The following PARD3 variants were observed in gnomAD, a reference collection of about 807,000 sequenced individuals.
PARD3 encodes par-3 family cell polarity regulator.
In PARD3, 75 loss-of-function variants were observed where a neutral mutation model predicts 155.4. The observed-to-expected ratio is 0.48, with a 90% CI of 0.40 to 0.58. The LOEUF is 0.58. Among genes scored for constraint, PARD3 ranks in the 20% least tolerant of loss-of-function variants. PARD3 has a pLI of 0.00. For synonymous variants in PARD3, 576 were observed against 610.5 expected (o/e 0.94, Z 0.83); for missense variants, 1,642 against 1,721.7 (o/e 0.95, Z 0.82).
At chr10:34,212,179 G>A (rs1335912183) in intron 22 of PARD3, among the ~76,000 whole-genome samples, 3 of 151,942 alleles carry the variant, frequency 2.0e-5, no homozygotes, top group African/African-American at 7.3e-5. Context: ...TCCATGCTGG[G>A]GAAATCAACA....
At chr10:34,294,237 C>A (rs1447967457) in intron 20 of PARD3, among the ~76,000 whole-genome samples, 7 of 152,198 alleles carry the variant, frequency 4.6e-5, no homozygotes, top group Admixed American at 4.6e-4. Context: ...TATAAACATC[C>A]ACCCTCAATT....
chr10:34,405,747 C>T (rs527661069), intron 5 of PARD3, among the ~76,000 whole-genome samples: 6 of 152,132 alleles, frequency 3.9e-5, no homozygotes, highest in African/African-American at 9.7e-5. Flanking sequence ...ATAGCCACAC[C>T]GCTAGCCAGA....
intron 1 of PARD3, among the ~76,000 whole-genome samples, chr10:34,750,588 G>A (rs1446595767): frequency 1.3e-5 from 2 of 151,938 alleles, no homozygotes; most frequent in African/African-American, 2.4e-5. Context: ...GGAGTGAGGA[G>A]TTAGGGGCAG....
chr10:34,307,181 C>T (rs972448149), intron 20 of PARD3, among the ~76,000 whole-genome samples: 8 of 152,264 alleles, frequency 5.3e-5, no homozygotes, highest in African/African-American at 1.7e-4. Flanking sequence ...TGAGCCACCG[C>T]ACCCGGCTCA....
At chr10:34,413,407 CT>C (rs1227709830) in intron 5 of PARD3, among the ~76,000 whole-genome samples, 6 of 148,162 alleles carry the variant, frequency 4.0e-5, no homozygotes. Flanking sequence ...TCAGCTCGGT[CT>C]TTTGTTATTC....
At chr10:34,602,230 C>CA (rs2089848579) in intron 2 of PARD3, among the ~76,000 whole-genome samples, 1 of 152,136 alleles carries the variant, frequency 6.6e-6, no homozygotes, top group Non-Finnish European at 1.5e-5. Context: ...TATATGTTTA[C>CA]ACTTTTCACT....
At chr10:34,392,168 GAATA>G (rs1842924514) in intron 7 of PARD3, among the ~76,000 whole-genome samples, 1 of 151,966 alleles carries the variant, frequency 6.6e-6, no homozygotes. Flanking sequence ...GTAAAAAAAA[GAATA>G]AATCAATTTT....
intron 2 of PARD3, among the ~76,000 whole-genome samples, chr10:34,541,601 G>A (rs1347853105): frequency 6.6e-6 from 1 of 152,208 alleles, no homozygotes; most frequent in African/African-American, 2.4e-5. Context: ...TCTGCCTTGT[G>A]TGTGATGTGT....
At chr10:34,421,266 A>G (rs1187640501) in intron 5 of PARD3, among the ~76,000 whole-genome samples, 1 of 151,718 alleles carries the variant, frequency 6.6e-6, no homozygotes, top group Admixed American at 6.6e-5. Flanking sequence ...CTAGTTATTA[A>G]CATATATAAG....
intron 1 of PARD3, among the ~76,000 whole-genome samples, chr10:34,797,573 C>G (rs1398768922): frequency 1.3e-5 from 2 of 152,170 alleles, no homozygotes; most frequent in Non-Finnish European, 2.9e-5. Flanking sequence ...TAAACAAGCT[C>G]GAAAAGCAAC....
At chr10:34,129,757 A>T (rs1422640380) in intron 23 of PARD3, among the ~76,000 whole-genome samples, 1 of 137,832 alleles carries the variant, frequency 7.3e-6, no homozygotes, top group African/African-American at 2.7e-5. Flanking sequence ...TCCCAGGTTC[A>T]AACAATCCTC....
intron 2 of PARD3, among the ~76,000 whole-genome samples, chr10:34,545,481 A>G (rs1240302224): frequency 1.3e-5 from 2 of 152,232 alleles, no homozygotes; most frequent in Non-Finnish European, 2.9e-5. Context: ...CAGAAAAAAT[A>G]TTATAACTGC....
chr10:34,543,052 A>G (rs531867008), intron 2 of PARD3, among the ~76,000 whole-genome samples: 1 of 152,254 alleles, frequency 6.6e-6, no homozygotes, highest in South Asian at 2.1e-4. Context: ...ATTTGCATCC[A>G]TGAACTTGGT....
chr10:34,337,507 C>T (rs1012729574), intron 16 of PARD3, 81 bp from the exon 17 acceptor site: 6 of 754,612 alleles, frequency 8.0e-6, no homozygotes, highest in Admixed American at 7.6e-5. Flanking sequence ...TACATACCTG[C>T]AAGTGTAAAT....
At chr10:34,419,811 A>G (rs1846020056) in intron 5 of PARD3, among the ~76,000 whole-genome samples, 1 of 152,244 alleles carries the variant, frequency 6.6e-6, no homozygotes, top group South Asian at 2.1e-4. Context: ...TACATAGGAC[A>G]TATCCATACA....
intron 20 of PARD3, among the ~76,000 whole-genome samples, chr10:34,301,430 T>C (rs1334185467): frequency 6.6e-6 from 1 of 152,202 alleles, no homozygotes; most frequent in Non-Finnish European, 1.5e-5. Flanking sequence ...CAGTGGCCTC[T>C]TCTCAGTTAC....
At chr10:34,463,141 GAAGGGGAAGGGA>G (rs2077772660) in intron 4 of PARD3, among the ~76,000 whole-genome samples, 2 of 129,782 alleles carry the variant, frequency 1.5e-5, no homozygotes, top group South Asian at 6.1e-4. Flanking sequence ...AAGGGAAAGA[GAAGGGGAAGGGA>G]AAGGGGAAGG....
chr10:34,522,943 G>C (rs1032371604), intron 2 of PARD3, among the ~76,000 whole-genome samples: 3 of 152,180 alleles, frequency 2.0e-5, no homozygotes, highest in Admixed American at 6.5e-5. Flanking sequence ...CCACAGCACA[G>C]GGCACTGGCA....
intron 1 of PARD3, among the ~76,000 whole-genome samples, chr10:34,741,611 T>A (rs1461635132): frequency 1.3e-5 from 2 of 152,202 alleles, no homozygotes; most frequent in Non-Finnish European, 2.9e-5. Context: ...AGCGCAGCCA[T>A]CTACAAATGG....
Sources: gnomAD v4.1 joint callset for allele counts (sites outside exome capture counted in the v4.1 genomes callset) on GRCh38, gnomAD v4.1.1 for gene constraint, MANE v1.5 for transcripts, NCBI Gene and HGNC (gene_info 2026-07-23, HGNC 2026-07-21) for gene names.